Variants in PARG observed in about 807,000 individuals in gnomAD.
The protein encoded by PARG is poly(ADP-ribose) glycohydrolase, also known as mitochondrial poly(ADP-ribose) glycohydrolase.
In PARG, 35 loss-of-function variants were observed where a neutral mutation model predicts 113.0. The ratio of observed to expected loss-of-function variants is 0.31; its 90% confidence interval spans 0.24 to 0.41. The LOEUF (loss-of-function observed/expected upper bound fraction) is 0.41, where lower values mean the gene tolerates loss of function less well. PARG is among the 10% of genes least tolerant of loss of function. PARG has a pLI of 1.00. For synonymous variants in PARG, 330 were observed against 409.9 expected (o/e 0.81, Z 2.36); for missense variants, 797 against 1,169.4 (o/e 0.68, Z 4.64).
intron 1 of PARG, among the ~76,000 whole-genome samples, chr10:49,937,853 C>T (rs1421968833): frequency 8.1e-4 from 124 of 152,298 alleles, no homozygotes; most frequent in Non-Finnish European, 1.3e-3. Context: ...AAACATTGAT[C>T]AGTCCTTCTT....
At position 49,828,092 on chromosome 10, in the gene PARG, C is replaced by CAAAAAAAAAAAAAAAA. The variant is rs71026274; in HGVS notation, c.2647+4695_2647+4710dup. 1.8e-4 allele frequency among the ~76,000 whole-genome samples: 9 copies of CAAAAAAAAAAAAAAAA among 50,410 alleles called. 3 individuals carry two copies. The highest frequency in any genetic ancestry group is 7.1e-4 in the East Asian group (1 of 1,416). 33.1% of individuals were successfully genotyped at this position (50,410 alleles called of 152,430 possible). ...TGAGACGAGATGTAGAAAGCTTAAA[C>CAAAAAAAAAAAAAAAA]AAAAAAAAAAAAAAAAAAAAAAAAA... On this transcript the variant is annotated intron_variant, in intron 16 of 17. Coordinates refer to ENST00000616448, the MANE Select transcript of PARG (RefSeq NM_003631.5).
chr10:49,922,189 A>G, intron 6 of PARG, 147 bp downstream of exon 6: 1 of 744,382 alleles, frequency 1.3e-6, no homozygotes, highest in Non-Finnish European at 2.2e-6. Flanking sequence ...TTCCTAGTAG[A>G]ATGTCTCTAA....
intron 16 of PARG, among the ~76,000 whole-genome samples, chr10:49,823,648 C>T (rs542164494): frequency 6.6e-5 from 10 of 152,048 alleles, no homozygotes; most frequent in Admixed American, 1.3e-4. Flanking sequence ...AAAATGGGAA[C>T]GAATGAATCA....
In PARG at chr10:49,941,672, G is replaced by C; in HGVS notation, c.54C>G (p.Ala18=). The change falls in exon 1 of 18, where the codon GCC becomes GCG. Residue 18 remains alanine (A), a synonymous_variant. Transcript: ENST00000616448. ...CCGAAGCAGCCGGCGAAGTTGTAGC[G>C]GCGCCCCAGCGGGGTCGCTTGGTGC... ...EPCTKRPRWG[A]ATTSPAASDA... 6.3e-7 allele frequency: 1 copy of C among 1,596,336 alleles called. No homozygotes were observed. The highest frequency in any genetic ancestry group is 8.5e-7 in the Non-Finnish European group (1 of 1,172,914).
intron 13 of PARG, among the ~76,000 whole-genome samples, chr10:49,845,770 A>G (rs1395860867): frequency 4.6e-5 from 7 of 150,554 alleles, no homozygotes; most frequent in African/African-American, 1.7e-4. Context: ...GGTGGCAGGC[A>G]CCTATAATCC....
intron 7 of PARG, among the ~76,000 whole-genome samples, chr10:49,900,878 T>G (rs1284693574): frequency 1.3e-5 from 2 of 152,088 alleles, no homozygotes; most frequent in Non-Finnish European, 2.9e-5. Context: ...CAATACCACA[T>G]AGTCACATTA....
intron 4 of PARG, among the ~76,000 whole-genome samples, chr10:49,927,374 GAAAGAAAGAAAGAAAGAAA>G (rs1838246360): frequency 9.7e-5 from 2 of 20,546 alleles, no homozygotes; most frequent in Non-Finnish European, 6.1e-4. Flanking sequence ...AAGAAGGAAA[GAAAGAAAGAAAGAAAGAAA>G]GAAAGAAAGA....
chr10:49,825,292 T>C (rs1844297458), intron 16 of PARG, among the ~76,000 whole-genome samples: 1 of 152,118 alleles, frequency 6.6e-6, no homozygotes, highest in Non-Finnish European at 1.5e-5. Flanking sequence ...CTGCTTTAAA[T>C]ACACTCTCTC....
intron 7 of PARG, among the ~76,000 whole-genome samples, chr10:49,911,627 C>T (rs1554846294): frequency 6.6e-6 from 1 of 152,190 alleles, no homozygotes; most frequent in Non-Finnish European, 1.5e-5. Context: ...ACAGATTGGT[C>T]TCTGTGATCT....
intron 4 of PARG, among the ~76,000 whole-genome samples, chr10:49,925,706 G>A (rs182994733): frequency 4.7e-3 from 711 of 152,286 alleles, no homozygotes; most frequent in East Asian, 0.019. Context: ...AGGCAGCTTC[G>A]TAAAAACATC....
chr10:49,847,165 T>C (rs1441957545), intron 13 of PARG, among the ~76,000 whole-genome samples: 1 of 152,210 alleles, frequency 6.6e-6, no homozygotes, highest in Admixed American at 6.5e-5. Flanking sequence ...TCCTTCCTTA[T>C]AGTAGAATGC....
intron 7 of PARG, among the ~76,000 whole-genome samples, chr10:49,914,227 C>T (rs1187936760): frequency 1.3e-5 from 2 of 152,192 alleles, no homozygotes; most frequent in African/African-American, 2.4e-5. Flanking sequence ...TTACTTCTTA[C>T]CCCAATTAAC....
chr10:49,836,391 G>A (rs781816352), intron 15 of PARG, among the ~76,000 whole-genome samples: 13 of 125,870 alleles, frequency 1.0e-4, no homozygotes, highest in Non-Finnish European at 1.3e-4. Flanking sequence ...TCCACCTCCC[G>A]GGTTCAAGCG....
intron 15 of PARG, among the ~76,000 whole-genome samples, chr10:49,835,310 A>G (rs1191053966): frequency 2.0e-5 from 3 of 152,302 alleles, no homozygotes; most frequent in African/African-American, 7.2e-5. Context: ...AATAAAAGAA[A>G]GCCAGCTTGA....
At chr10:49,869,945 C>T (rs1478726018) in intron 9 of PARG, among the ~76,000 whole-genome samples, 5 of 151,892 alleles carry the variant, frequency 3.3e-5, no homozygotes, top group East Asian at 1.9e-4. Flanking sequence ...GTAACAAAAA[C>T]GGTATCAAAA....
intron 7 of PARG, among the ~76,000 whole-genome samples, chr10:49,886,757 T>C (rs1375140717): frequency 3.3e-5 from 5 of 152,206 alleles, no homozygotes; most frequent in Admixed American, 2.0e-4. Context: ...GCATTCATGG[T>C]AGTGGAGAAA....
intron 7 of PARG, among the ~76,000 whole-genome samples, chr10:49,901,574 A>G (rs1177707072): frequency 6.6e-6 from 1 of 152,222 alleles, no homozygotes. Flanking sequence ...TTATAGTTTG[A>G]ACTTCACTCT....
At chr10:49,857,009 C>T (rs1161476392) in intron 13 of PARG, among the ~76,000 whole-genome samples, 1 of 74,630 alleles carries the variant, frequency 1.3e-5, no homozygotes, top group East Asian at 4.9e-4. Flanking sequence ...ACCTCTGTCT[C>T]AAAAAAAAAA....
intron 11 of PARG, among the ~76,000 whole-genome samples, chr10:49,864,330 C>A (rs1471665666): frequency 6.6e-6 from 1 of 151,582 alleles, no homozygotes; most frequent in African/African-American, 2.4e-5. Context: ...ATCATCTAAA[C>A]CACGCACTCA....
Sources: allele counts gnomAD v4.1 joint callset (sites outside exome capture counted in the v4.1 genomes callset), GRCh38; gene constraint gnomAD v4.1.1; transcripts MANE v1.5; gene names NCBI Gene and HGNC (gene_info 2026-07-23, HGNC 2026-07-21).